PARD3B: variants seen among roughly 807,000 people sequenced by gnomAD.
The protein encoded by PARD3B is par-3 family cell polarity regulator beta.
In PARD3B, 103 loss-of-function variants were observed where a neutral mutation model predicts 130.2. The observed-to-expected ratio is 0.79, with a 90% CI of 0.67 to 0.93. PARD3B has a LOEUF of 0.93. Among genes scored for constraint, PARD3B ranks in the 40% least tolerant of loss-of-function variants. The pLI, the probability that PARD3B is intolerant of heterozygous loss-of-function variation, is 0.00. For synonymous variants in PARD3B, 583 were observed against 553.2 expected, an observed-to-expected ratio of 1.05 and a Z score of -0.76; for missense variants, 1,609 against 1,499.2, an observed-to-expected ratio of 1.07 and a Z score of -1.21.
chr2:205,181,831 G>A (rs779089861), intron 13 of PARD3B, among the ~76,000 whole-genome samples: 10 of 152,250 alleles, frequency 6.6e-5, no homozygotes, highest in East Asian at 3.9e-4. Context: ...AGATATATAC[G>A]AAATGACCAT....
chr2:205,040,206 C>T (rs1033066600), intron 3 of PARD3B, among the ~76,000 whole-genome samples: 1 of 152,216 alleles, frequency 6.6e-6, no homozygotes, highest in African/African-American at 2.4e-5. Flanking sequence ...TCGTGATCCA[C>T]CCACCTTGGC....
chr2:205,522,196 AC>A (rs11333172), intron 21 of PARD3B, among the ~76,000 whole-genome samples: 5,198 of 151,720 alleles, frequency 0.034, 303 homozygotes, highest in African/African-American at 0.12. Context: ...AACAAATGAA[AC>A]CTATTTTTTG....
At chr2:204,572,963 C>T (rs1010137756) in intron 1 of PARD3B, among the ~76,000 whole-genome samples, 1 of 152,146 alleles carries the variant, frequency 6.6e-6, no homozygotes, top group Non-Finnish European at 1.5e-5. Context: ...CAGAAGGCCT[C>T]CTGGAAGAGA....
chr2:205,309,694 A>C lies in PARD3B; in HGVS notation c.2630+7993A>C, dbSNP rs10176312. Among the ~76,000 whole-genome samples the C allele has an allele frequency of 0.022, 3,332 of 152,146 alleles. 136 individuals are homozygous for C. The highest frequency in any genetic ancestry group is 0.075 in the African/African-American group (3,118 of 41,502). ...CTGTGGCCTTCACTACCACCAAATTAATGCTGAACCTAATTAAAAATCTAT... is the reference window on the plus strand; with the variant it reads ...CTGTGGCCTTCACTACCACCAAATTCATGCTGAACCTAATTAAAAATCTAT... On this transcript the variant is annotated intron_variant, in intron 18 of 22. Coordinates refer to ENST00000406610, the MANE Select transcript of PARD3B (RefSeq NM_001302769.2). This position sits in a 1 kb window ranked among gnomAD's most constrained non-coding sequence, Gnocchi z 4.7.
chr2:204,588,544 A>G (rs2032935717), intron 1 of PARD3B, among the ~76,000 whole-genome samples: 1 of 152,180 alleles, frequency 6.6e-6, no homozygotes, highest in African/African-American at 2.4e-5. Flanking sequence ...CCAAGGCACT[A>G]CATCATTGTA....
Position 204,935,995 on chromosome 2 carries a change from C to G in PARD3B, c.223-29157C>G, listed in dbSNP as rs577162478. ...ATTGTGTACTAGGTTCTGGGAAGGC[C>G]CTAAGTGTCTATAAACATGTACAGA... On this transcript the variant is annotated intron_variant, in intron 2 of 22. Coordinates refer to ENST00000406610, the MANE Select transcript of PARD3B (RefSeq NM_001302769.2). Among the ~76,000 whole-genome samples the G allele has an allele frequency of 5.3e-5, 8 of 152,156 alleles. No individual in the cohort carries two copies. The South Asian group carries it at 1.3e-3, about 24-fold the overall frequency.
chr2:205,011,048 G>T lies in PARD3B; in HGVS notation c.395-36533G>T, dbSNP rs1327183587. Reference sequence around the variant, plus strand: ...GCGGCTCTCTGGTGTATGGGGTTTAGTGGTGGAAGGTATCCCCTAAGCTGG... The same window carrying T: ...GCGGCTCTCTGGTGTATGGGGTTTATTGGTGGAAGGTATCCCCTAAGCTGG... On this transcript the variant is annotated intron_variant, in intron 3 of 22. Coordinates refer to ENST00000406610, the MANE Select transcript of PARD3B (RefSeq NM_001302769.2). This position sits in a 1 kb window ranked among gnomAD's most constrained non-coding sequence, Gnocchi z 4.1. Among the ~76,000 whole-genome samples the T allele has an allele frequency of 1.3e-5, 2 of 152,192 alleles. No individual in the cohort carries two copies. The highest frequency in any genetic ancestry group is 4.8e-5 in the African/African-American group (2 of 41,444).
chr2:205,581,255 T>TAGATAGATATAGATAG (rs749729693), intron 22 of PARD3B, among the ~76,000 whole-genome samples: 4 of 136,010 alleles, frequency 2.9e-5, no homozygotes, highest in African/African-American at 1.2e-4. Flanking sequence ...TATATAGATA[T>TAGATAGATATAGATAG]ATATAGATAT....
chr2:205,113,656 AAGG>A lies in PARD3B; in HGVS notation c.680+82_680+84del, dbSNP rs1703817384. 42 of 1,050,890 alleles carry A rather than the reference AAGG, an allele frequency of 4.0e-5. No homozygotes were observed. In the South Asian group the frequency reaches 5.6e-4, roughly 14 times the overall value. The allele number at this position is 1,050,890 out of a possible 1,614,324, so 65.1% of individuals were successfully genotyped here. ...GCTCCTTTTCCCAAATATTTTTCAC[AAGG>A]AGATTAAATGTGAATTCTATTATTC... On this transcript the variant is annotated intron_variant, in intron 6 of 22. Coordinates refer to ENST00000406610, the MANE Select transcript of PARD3B (RefSeq NM_001302769.2).
chr2:205,396,416 G>T (rs1354082529), intron 18 of PARD3B, among the ~76,000 whole-genome samples: 1 of 152,078 alleles, frequency 6.6e-6, no homozygotes, highest in Non-Finnish European at 1.5e-5. Flanking sequence ...AATATTTTTT[G>T]AAAGAGAGCG....
At chr2:205,345,145 A>G (rs1486309730) in intron 18 of PARD3B, among the ~76,000 whole-genome samples, 10 of 152,336 alleles carry the variant, frequency 6.6e-5, no homozygotes, top group Non-Finnish European at 1.2e-4. Flanking sequence ...AGAGAAAAGC[A>G]TACATTTAGT....
chr2:204,688,396 A>G (rs751813756), intron 2 of PARD3B, among the ~76,000 whole-genome samples: 6 of 151,886 alleles, frequency 4.0e-5, no homozygotes, highest in Non-Finnish European at 8.8e-5. Context: ...TGGCTAACAC[A>G]GTGAAACCCC....
chr2:205,024,126 A>G (rs1696835620), intron 3 of PARD3B, among the ~76,000 whole-genome samples: 1 of 147,896 alleles, frequency 6.8e-6, no homozygotes, highest in South Asian at 2.2e-4. Flanking sequence ...TGCATTAGCT[A>G]TGATCATGTA....
At chr2:204,719,279 G>A (rs2038886422) in intron 2 of PARD3B, among the ~76,000 whole-genome samples, 1 of 152,164 alleles carries the variant, frequency 6.6e-6, no homozygotes, top group Admixed American at 6.5e-5. Context: ...GGCTAACGGA[G>A]ACTATTTGTA....
chr2:204,585,348 C>G (rs180690314), intron 1 of PARD3B, among the ~76,000 whole-genome samples: 93 of 152,062 alleles, frequency 6.1e-4, no homozygotes, highest in African/African-American at 2.1e-3. Context: ...CTTTTTCTTT[C>G]TTTTCTTCAG....
intron 16 of PARD3B, among the ~76,000 whole-genome samples, chr2:205,267,527 T>C (rs1385721259): frequency 6.6e-6 from 1 of 151,990 alleles, no homozygotes; most frequent in African/African-American, 2.4e-5. Context: ...GAAGGATTGG[T>C]TGGATTTGTA....
At chr2:204,732,923 G>A (rs192703110) in intron 2 of PARD3B, among the ~76,000 whole-genome samples, 11 of 152,278 alleles carry the variant, frequency 7.2e-5, no homozygotes, top group African/African-American at 2.4e-4. Context: ...GGGGATACAA[G>A]TGGTATTCTA....
intron 20 of PARD3B, among the ~76,000 whole-genome samples, chr2:205,475,570 C>A (rs2048996407): frequency 6.6e-6 from 1 of 152,140 alleles, no homozygotes; most frequent in Non-Finnish European, 1.5e-5. Flanking sequence ...TCAGGAAGAT[C>A]ATTTGCCAAG....
At chr2:204,798,583 C>G (rs1244599843) in intron 2 of PARD3B, among the ~76,000 whole-genome samples, 2 of 152,130 alleles carry the variant, frequency 1.3e-5, no homozygotes, top group Non-Finnish European at 2.9e-5. Context: ...CTTGCCATCA[C>G]TCCTGCCCTT....
Sources: gnomAD v4.1 joint callset for allele counts (sites outside exome capture counted in the v4.1 genomes callset) on GRCh38, gnomAD v4.1.1 for gene constraint, Gnocchi (gnomAD v3.1) non-coding constraint, MANE v1.5 for transcripts, NCBI Gene and HGNC (gene_info 2026-07-23, HGNC 2026-07-21) for gene names.